PRIM2: variants seen among roughly 807,000 people sequenced by gnomAD.
PRIM2 encodes the protein DNA primase subunit 2.
In PRIM2, 39 loss-of-function variants were observed where a neutral mutation model predicts 67.3. That is an observed-to-expected ratio of 0.58 (90% CI 0.45 to 0.76). PRIM2 has a LOEUF of 0.76. Among genes scored for constraint, PRIM2 ranks in the 30% least tolerant of loss-of-function variants. The pLI is 0.00. For missense variants in PRIM2, 398 were observed against 598.7 expected (o/e 0.66, Z 3.50); for synonymous variants, 143 against 198.7 (o/e 0.72, Z 2.36).
chr6:57,345,064 C>G (rs1768623756), intron 5 of PRIM2, among the ~76,000 whole-genome samples: 1 of 72,388 alleles, frequency 1.4e-5, no homozygotes, highest in Non-Finnish European at 2.7e-5. Context: ...AACTTTTGCC[C>G]TTGAAAAAAA....
chr6:57,348,361 A>T (rs561858502), intron 5 of PRIM2, among the ~76,000 whole-genome samples: 1 of 152,370 alleles, frequency 6.6e-6, no homozygotes, highest in South Asian at 2.1e-4. Context: ...ATATATTTTT[A>T]AAATTTTAAA....
chr6:57,453,717 T>G (rs1401118312), intron 7 of PRIM2, among the ~76,000 whole-genome samples: 1 of 152,194 alleles, frequency 6.6e-6, no homozygotes, highest in Non-Finnish European at 1.5e-5. Context: ...AAATATACAA[T>G]CATGTCATCT....
chr6:57,374,039 G>A (rs1196130136), intron 5 of PRIM2, among the ~76,000 whole-genome samples: 2 of 152,162 alleles, frequency 1.3e-5, no homozygotes, highest in Non-Finnish European at 2.9e-5. Flanking sequence ...GCATCAGACA[G>A]TATGGACATT....
At chr6:57,399,489 C>T (rs1416742168) in intron 7 of PRIM2, among the ~76,000 whole-genome samples, 6 of 152,078 alleles carry the variant, frequency 3.9e-5, no homozygotes, top group Admixed American at 6.6e-5. Context: ...TGAATAGTGC[C>T]GCAGTAAACA....
chr6:57,531,033 A>G (rs1462455787), intron 8 of PRIM2, among the ~76,000 whole-genome samples: 2 of 152,212 alleles, frequency 1.3e-5, no homozygotes, highest in Non-Finnish European at 2.9e-5. Flanking sequence ...CCATTGTTTA[A>G]TCAGTAAAAT....
rs1382568740 is a variant in PRIM2, at chr6:57,467,000, TC to T, written c.694-40384del. On this transcript the variant is annotated intron_variant, in intron 7 of 13. Transcript: ENST00000615550. ...CAGGCATGGTGGCACACCCGTATAA[TC>T]CCAGCTACTAGGAGAATCGCTTGAA... Among the ~76,000 whole-genome samples, 6 of 148,238 alleles carry T rather than the reference TC, an allele frequency of 4.0e-5. No homozygotes were observed. In the South Asian group the frequency reaches 8.5e-4, roughly 21 times the overall value.
intron 5 of PRIM2, among the ~76,000 whole-genome samples, chr6:57,347,611 TA>T (rs1355659845): frequency 2.6e-5 from 4 of 152,192 alleles, no homozygotes; most frequent in Admixed American, 2.6e-4. Context: ...CCTGCCTGGC[TA>T]ATTTTTTCTT....
At chr6:57,295,048 C>A in the PRIM2 span, among the ~76,000 whole-genome samples, 2 of 152,104 alleles carry the variant, frequency 1.3e-5, no homozygotes, top group East Asian at 3.8e-4. Flanking sequence ...ACTTCAGCAT[C>A]CCAAAATGCT....
At chr6:57,341,022 G>C (rs1200306426) in intron 5 of PRIM2, among the ~76,000 whole-genome samples, 5 of 152,050 alleles carry the variant, frequency 3.3e-5, no homozygotes, top group African/African-American at 1.2e-4. Context: ...GTTTCACTTT[G>C]CTAATCATTT....
At chr6:57,552,200 G>A (rs1315163305) in intron 10 of PRIM2, among the ~76,000 whole-genome samples, 2 of 152,170 alleles carry the variant, frequency 1.3e-5, no homozygotes, top group Admixed American at 6.5e-5. Context: ...TGTAGCTTAA[G>A]TCAGGTGAGA....
chr6:57,459,111 T>TA (rs1347918311), intron 7 of PRIM2, among the ~76,000 whole-genome samples: 9 of 152,220 alleles, frequency 5.9e-5, no homozygotes, highest in Non-Finnish European at 1.0e-4. Flanking sequence ...TAAGTATGCT[T>TA]GTTTTGTGAT....
At chr6:57,564,546 GGTTT>G (rs1581992856) in intron 10 of PRIM2, among the ~76,000 whole-genome samples, 2 of 151,966 alleles carry the variant, frequency 1.3e-5, no homozygotes, top group East Asian at 1.9e-4. Flanking sequence ...CTACTTTTTT[GGTTT>G]GTTTGTTTAC....
chr6:57,565,693 A>G (rs1349047017), intron 10 of PRIM2, among the ~76,000 whole-genome samples: 9 of 152,210 alleles, frequency 5.9e-5, no homozygotes, highest in Admixed American at 2.0e-4. Context: ...AGCAAGACAC[A>G]CTCCAAAATA....
Position 57,578,185 on chromosome 6 carries a change from CACTTATT to C in PRIM2, c.1021-22899_1021-22893del, listed in dbSNP as rs1451465584. Among the ~76,000 whole-genome samples the C allele has an allele frequency of 1.4e-3, 217 of 152,310 alleles. 5 individuals carry two copies. The East Asian group carries it at 0.019, about 14-fold the overall frequency. ...TCCCTCTAAGGGCATGTGATATCAA[CACTTATT>C]ACTTATTATTAATAATTATAACTTA... On this transcript the variant is annotated intron_variant, in intron 10 of 13. Transcript: ENST00000615550.
rs571492149 is a variant in PRIM2, at chr6:57,358,952, A to G, written c.460-20949A>G. ...TTTAAAAAATTATGGTTAAATATAC[A>G]TAATCTTTACATTTTAAACTATTTT... is the stretch of plus-strand genomic sequence containing the variant. On this transcript the variant is annotated intron_variant, in intron 5 of 13. Coordinates refer to ENST00000615550, the MANE Select transcript of PRIM2 (RefSeq NM_000947.5). Among the ~76,000 whole-genome samples, 10 of 152,338 alleles carry G rather than the reference A, an allele frequency of 6.6e-5. No homozygotes were observed. The East Asian group carries it at 1.9e-3, about 29-fold the overall frequency.
the PRIM2 span, among the ~76,000 whole-genome samples, chr6:57,241,669 A>C: frequency 6.7e-6 from 1 of 150,088 alleles, no homozygotes; most frequent in Non-Finnish European, 1.5e-5. Context: ...TTTTAATACT[A>C]AACTATGCAG....
At chr6:57,624,974 G>T (rs1426595088) in intron 12 of PRIM2, among the ~76,000 whole-genome samples, 2 of 152,108 alleles carry the variant, frequency 1.3e-5, no homozygotes, top group Non-Finnish European at 2.9e-5. Context: ...AAGTGAAAGG[G>T]GTTTCCCCTA....
At chr6:57,252,152 T>C in the PRIM2 span, among the ~76,000 whole-genome samples, 1 of 152,214 alleles carries the variant, frequency 6.6e-6, no homozygotes, top group Non-Finnish European at 1.5e-5. Flanking sequence ...CTCTCCTTCC[T>C]CAGGAATACT....
At chr6:57,422,771 T>C (rs1251859463) in intron 7 of PRIM2, among the ~76,000 whole-genome samples, 11 of 152,232 alleles carry the variant, frequency 7.2e-5, no homozygotes, top group South Asian at 4.2e-4. Flanking sequence ...AGGTTTTTTT[T>C]CCCCACATGC....
Sources: gnomAD v4.1 joint callset for allele counts (sites outside exome capture counted in the v4.1 genomes callset) on GRCh38, gnomAD v4.1.1 for gene constraint, MANE v1.5 for transcripts, NCBI Gene and HGNC (gene_info 2026-07-23, HGNC 2026-07-21) for gene names.